The following MAPK10 variants were observed in gnomAD, a reference collection of about 807,000 sequenced individuals.
MAPK10 encodes JNK3 alpha protein kinase.
A neutral mutation model predicts 59.3 loss-of-function variants in MAPK10; 25 were observed. The observed-to-expected ratio is 0.42, with a 90% CI of 0.31 to 0.59. The LOEUF (loss-of-function observed/expected upper bound fraction) is 0.59. Ranked by LOEUF, MAPK10 falls within the 20% of genes least tolerant of loss-of-function variation. The pLI, the probability that MAPK10 is intolerant of heterozygous loss-of-function variation, is 0.15. For missense variants in MAPK10, 351 were observed against 568.9 expected, an observed-to-expected ratio of 0.62 and a Z score of 3.90; for synonymous variants, 190 against 200.5, an observed-to-expected ratio of 0.95 and a Z score of 0.44.
At chr4:86,182,444 G>A (rs777029975) in intron 3 of MAPK10, among the ~76,000 whole-genome samples, 1 of 152,078 alleles carries the variant, frequency 6.6e-6, no homozygotes, top group Non-Finnish European at 1.5e-5. Flanking sequence ...TGGAATTCTG[G>A]ACACAGTTAA....
intron 11 of MAPK10, among the ~76,000 whole-genome samples, chr4:86,063,197 G>C (rs972770470): frequency 6.6e-6 from 1 of 152,040 alleles, no homozygotes; most frequent in East Asian, 1.9e-4. Flanking sequence ...ACTTTCTTTC[G>C]TATCTTCTCT....
chr4:86,098,711 C>T (rs1040552267), intron 8 of MAPK10, 116 bp from the exon 9 acceptor site: 2 of 876,946 alleles, frequency 2.3e-6, no homozygotes, highest in Non-Finnish European at 3.7e-6. Context: ...CAATTTTCAC[C>T]TCCCACCAAA....
At chr4:86,173,449 A>G (rs1358010393) in intron 3 of MAPK10, among the ~76,000 whole-genome samples, 2 of 152,184 alleles carry the variant, frequency 1.3e-5, no homozygotes, top group African/African-American at 4.8e-5. Context: ...CCCCTTCCTT[A>G]CACCTTATAC....
At chr4:86,231,842 A>G (rs1048192707) in intron 2 of MAPK10, among the ~76,000 whole-genome samples, 1 of 152,178 alleles carries the variant, frequency 6.6e-6, no homozygotes, top group Non-Finnish European at 1.5e-5. Context: ...CCTTTTCAAC[A>G]ATTATTATTC....
chr4:86,275,684 T>C (rs1398371733), intron 2 of MAPK10, among the ~76,000 whole-genome samples: 1 of 152,064 alleles, frequency 6.6e-6, no homozygotes, highest in Non-Finnish European at 1.5e-5. Context: ...CTACTACCAC[T>C]AGAAAATATG....
At chr4:86,132,749 A>G (rs2061244089) in intron 4 of MAPK10, among the ~76,000 whole-genome samples, 1 of 152,184 alleles carries the variant, frequency 6.6e-6, no homozygotes, top group South Asian at 2.1e-4. Context: ...TGAACTGCGC[A>G]TATGAGGGAT....
At chr4:86,168,601 G>T (rs1469774473) in intron 3 of MAPK10, among the ~76,000 whole-genome samples, 2 of 152,194 alleles carry the variant, frequency 1.3e-5, no homozygotes, top group Admixed American at 6.5e-5. Flanking sequence ...AAGGAGGCCT[G>T]CCTGCCTCTG....
intron 1 of MAPK10, among the ~76,000 whole-genome samples, chr4:86,539,645 A>C (rs533026700): frequency 6.6e-6 from 1 of 152,326 alleles, no homozygotes; most frequent in South Asian, 2.1e-4. Flanking sequence ...TCATTATTCA[A>C]TGTCAGCAAG....
upstream of MAPK10, among the ~76,000 whole-genome samples, chr4:86,362,260 T>C (rs959908138): frequency 1.3e-5 from 2 of 152,092 alleles, no homozygotes; most frequent in African/African-American, 4.8e-5. Context: ...TTACCTTACA[T>C]TGTGAACACA....
chr4:86,461,478 G>T (rs1751741613), intron 1 of MAPK10, among the ~76,000 whole-genome samples: 1 of 152,156 alleles, frequency 6.6e-6, no homozygotes, highest in Admixed American at 6.5e-5. Context: ...ACTTTGGGAG[G>T]CCAAGGTGGG....
At chr4:86,531,405 G>T (rs557192332) in intron 1 of MAPK10, among the ~76,000 whole-genome samples, 2 of 152,272 alleles carry the variant, frequency 1.3e-5, no homozygotes, top group Admixed American at 1.3e-4. Flanking sequence ...TGAGGTGGTG[G>T]TGGTCATTGT....
chr4:86,436,702 A>G (rs1478253203), intron 1 of MAPK10, among the ~76,000 whole-genome samples: 1 of 152,170 alleles, frequency 6.6e-6, no homozygotes, highest in African/African-American at 2.4e-5. Flanking sequence ...CTTGTGATAT[A>G]AAGATATAAT....
intron 4 of MAPK10, among the ~76,000 whole-genome samples, chr4:86,116,860 A>G (rs1169939398): frequency 2.0e-5 from 3 of 152,254 alleles, no homozygotes; most frequent in Non-Finnish European, 2.9e-5. Context: ...TAGAGTGAGC[A>G]CTGAGTAAAT....
chr4:86,349,066 T>C (rs1478432560), intron 2 of MAPK10, among the ~76,000 whole-genome samples: 2 of 152,098 alleles, frequency 1.3e-5, no homozygotes, highest in Non-Finnish European at 2.9e-5. Flanking sequence ...AGAACAACAG[T>C]TTGTTTAGGA....
intron 9 of MAPK10, among the ~76,000 whole-genome samples, chr4:86,071,730 T>C (rs1339909710): frequency 6.6e-6 from 1 of 151,322 alleles, no homozygotes; most frequent in African/African-American, 2.4e-5. Flanking sequence ...CTGAGGGCTC[T>C]GTTCTGTTCC....
intron 2 of MAPK10, among the ~76,000 whole-genome samples, chr4:86,213,881 C>T (rs75361657): frequency 0.085 from 12,917 of 152,028 alleles, 1,214 homozygotes; most frequent in African/African-American, 0.23. Context: ...GAGACCAACA[C>T]TGCCCTGAAA....
chr4:86,309,351 C>G (rs757076322), intron 2 of MAPK10, among the ~76,000 whole-genome samples: 2 of 152,094 alleles, frequency 1.3e-5, no homozygotes, highest in Non-Finnish European at 2.9e-5. Flanking sequence ...AGATGAACTC[C>G]GGCATGCAGA....
chr4:86,446,284 A>G (rs1320759250), intron 1 of MAPK10, among the ~76,000 whole-genome samples: 2 of 152,212 alleles, frequency 1.3e-5, no homozygotes, highest in Non-Finnish European at 2.9e-5. Flanking sequence ...AAATCGTGGT[A>G]GCAATGTCCA....
chr4:86,369,745 G>C (rs770909359), intron 1 of MAPK10, among the ~76,000 whole-genome samples: 1 of 152,166 alleles, frequency 6.6e-6, no homozygotes, highest in Non-Finnish European at 1.5e-5. Context: ...AATGATAATA[G>C]TAGTTAAATT....
Sources: allele counts gnomAD v4.1 joint callset (sites outside exome capture counted in the v4.1 genomes callset), GRCh38; gene constraint gnomAD v4.1.1; transcripts MANE v1.5; gene names NCBI Gene and HGNC (gene_info 2026-07-23, HGNC 2026-07-21).